Variants in SLFN14 observed in about 807,000 individuals in gnomAD.
The protein encoded by SLFN14 is protein SLFN14.
A neutral mutation model predicts 58.6 loss-of-function variants in SLFN14; 47 were observed. That is an observed-to-expected ratio of 0.80 (90% confidence interval 0.64 to 1.02). The LOEUF (loss-of-function observed/expected upper bound fraction) is 1.02. Ranked by LOEUF, SLFN14 falls within the 50% of genes least tolerant of loss-of-function variation. The pLI is 0.00. For synonymous variants in SLFN14, 390 were observed against 387.3 expected (o/e 1.01, Z -0.08); for missense variants, 967 against 1,078.4 (o/e 0.90, Z 1.45).
At chr17:35,550,611 TG>T (rs1021743523) in intron 5 of SLFN14, among the ~76,000 whole-genome samples, 4 of 152,188 alleles carry the variant, frequency 2.6e-5, no homozygotes, top group African/African-American at 2.4e-5. Flanking sequence ...ATACTCACAT[TG>T]TTTTTTTTAT....
At position 35,553,204 on chromosome 17, in the gene SLFN14, T is replaced by C. The variant is rs374393199; in HGVS notation, c.1430A>G (p.Asn477Ser). The C allele has an allele frequency of 1.7e-5, 26 of 1,551,568 alleles. 1 individual carries two copies. Among genetic ancestry groups the C allele is most frequent in the South Asian group, 3.6e-5 (3 of 84,064 alleles). Reference sequence around the variant, plus strand: ...GGCATATTCAAGTCCTCCAGGCCAATTGGGGTCTATTAAGATTGTATAGAG... The same window carrying C: ...GGCATATTCAAGTCCTCCAGGCCAACTGGGGTCTATTAAGATTGTATAGAG... ...VVLYTILIDP[N>S]WPGGLEYARN... The change falls in exon 5 of 6, where the codon AAT becomes AGT. Residue 477 changes from asparagine to serine, a missense_variant. Physicochemically the swap from Asn to Ser is conservative, Grantham distance 46. Transcript: ENST00000674182.
chr17:35,556,965 T>C, intron 3 of SLFN14, 38 bp downstream of exon 3: 1 of 1,501,742 alleles, frequency 6.7e-7, no homozygotes, highest in Non-Finnish European at 8.9e-7. Context: ...AAGGGGTTCC[T>C]CCCTGCTGAT....
chr17:35,557,942 CA>C lies in SLFN14; in HGVS notation c.120del (p.Glu41ArgfsTer13). 6.4e-7 allele frequency: 1 copy of C among 1,551,662 alleles called. No individual in the cohort carries two copies. ...ATAGCCCGGATAATTCTAGAATTCT[CA>C]GATCTTTTCAAACAGCTGTTGGTCA... ...KKMTNSCLKR[S>X]ENSRIIRAIC... On this transcript the variant is annotated frameshift_variant, in exon 3 of 6. Coordinates refer to ENST00000674182, the MANE Select transcript of SLFN14 (RefSeq NM_001129820.2). LOFTEE classifies it high-confidence loss of function.
At position 35,545,642 on chromosome 17, in the gene SLFN14, GCACCAC is replaced by G. The variant is rs779144699; in HGVS notation, c.*2591_*2596del. Among the ~76,000 whole-genome samples, 17 of 152,038 alleles carry G rather than the reference GCACCAC, an allele frequency of 1.1e-4. No individual in the cohort carries two copies. The highest frequency in any genetic ancestry group is 2.1e-4 in the Non-Finnish European group (14 of 68,032). ...CTGGAGTAGCTAGGATTAAAAGCAT[GCACCAC>G]CATGCCCAACTAAGTTTTTAAAAAA... is the stretch of plus-strand genomic sequence containing the variant. On this transcript the variant is annotated 3_prime_UTR_variant, in exon 6 of 6. Transcript: ENST00000674182.
chr17:35,559,447 G>A (rs2072682105), intron 2 of SLFN14, among the ~76,000 whole-genome samples: 2 of 152,020 alleles, frequency 1.3e-5, no homozygotes. Flanking sequence ...TCTGCCCTGT[G>A]CTGTGGAAAC....
chr17:35,552,715 T>C lies in SLFN14; in HGVS notation c.1904+15A>G, dbSNP rs532504686. 4.1e-5 allele frequency: 62 copies of C among 1,524,676 alleles called. No individual in the cohort carries two copies. In the African/African-American group the frequency reaches 7.0e-4, roughly 17 times the overall value. The allele number at this position is 1,524,676 out of a possible 1,614,324, so 94.4% of individuals were successfully genotyped here. A position where few individuals can be genotyped will look rare whatever the true frequency, so the allele number is the denominator to read the frequency against. On this transcript the variant is annotated intron_variant, in intron 5 of 5. Coordinates refer to ENST00000674182, the MANE Select transcript of SLFN14 (RefSeq NM_001129820.2). Reference sequence around the variant, plus strand: ...ATACATATTTTTGTGTGTGTGTAGTTGGTAAAACTCTTACGTCACAAAATC... The same window carrying C: ...ATACATATTTTTGTGTGTGTGTAGTCGGTAAAACTCTTACGTCACAAAATC...
Position 35,557,668 on chromosome 17 carries a change from C to CGATACAATTG in SLFN14, c.394_395insCAATTGTATC (p.Arg132ProfsTer16). On this transcript the variant is annotated frameshift_variant, in exon 3 of 6. Coordinates refer to ENST00000674182, the MANE Select transcript of SLFN14 (RefSeq NM_001129820.2). LOFTEE classifies it high-confidence loss of function. The stretch of plus-strand genomic sequence containing the variant: ...GTTGATAGCAGAAGTCACATCTCTC[C>CGATACAATTG]GATACAAATTGGAGCGCAAGCTGCA... 1.3e-6 allele frequency: 2 copies of CGATACAATTG among 1,551,650 alleles called. No homozygotes were observed. The highest frequency in any genetic ancestry group is 1.7e-6 in the Non-Finnish European group (2 of 1,146,972).
intron 5 of SLFN14, 129 bp downstream of exon 5, chr17:35,552,599 AAT>A (rs1193156197): frequency 4.0e-4 from 128 of 321,050 alleles, no homozygotes; most frequent in East Asian, 5.5e-4. Context: ...CTGCAAAAAG[AAT>A]ATATATATAT....
chr17:35,554,698 G>T lies in SLFN14; in HGVS notation c.1067C>A (p.Pro356His). The T allele has an allele frequency of 1.4e-6, 2 of 1,445,558 alleles. No individual in the cohort carries two copies. The highest frequency in any genetic ancestry group is 1.5e-5 in the South Asian group (1 of 66,542). 89.5% of individuals were successfully genotyped at this position (1,445,558 alleles called of 1,614,324 possible). A position where few individuals can be genotyped will look rare whatever the true frequency, so the allele number is the denominator to read the frequency against. Reference sequence around the variant, plus strand: ...AGAGTTGTAGTCTGTGACCAAACTGGGAGGAGCTAGACAATTACATGGAAA... The same window carrying T: ...AGAGTTGTAGTCTGTGACCAAACTGTGAGGAGCTAGACAATTACATGGAAA... ...VMMLDTQSAP[P>H]SLVTDYNSCL... Residue 356 changes from proline (P) to histidine (H), a missense_variant, in exon 4 of 6, where the codon CCC becomes CAC. Physicochemically the swap from Pro to His is moderately conservative, Grantham distance 77. Coordinates refer to ENST00000674182, the MANE Select transcript of SLFN14 (RefSeq NM_001129820.2).
In SLFN14 at chr17:35,557,709, G is replaced by A; in HGVS notation, c.354C>T (p.Ser118=). Residue 118 remains serine (S), a synonymous_variant, in exon 3 of 6, where the codon AGC becomes AGT. Transcript: ENST00000674182. ...GCAAGCTGCAAATCCTTAGTGGAAGGCTGAAAACATCTGGGCTCCATGACT... is the reference window on the plus strand; with the variant it reads ...GCAAGCTGCAAATCCTTAGTGGAAGACTGAAAACATCTGGGCTCCATGACT... ...FVKSWSPDVF[S]LPLRICSLRS... 6.4e-7 allele frequency: 1 copy of A among 1,551,674 alleles called. No homozygotes were observed. The highest frequency in any genetic ancestry group is 8.7e-7 in the Non-Finnish European group (1 of 1,146,970).
chr17:35,554,567 A>G lies in SLFN14; in HGVS notation c.1189+9T>C. The G allele has an allele frequency of 4.6e-6, 7 of 1,523,904 alleles. No homozygotes were observed. The highest frequency in any genetic ancestry group is 6.2e-6 in the Non-Finnish European group (7 of 1,135,620). The allele number at this position is 1,523,904 out of a possible 1,614,324, so 94.4% of individuals were successfully genotyped here. A position where few individuals can be genotyped will look rare whatever the true frequency, so the allele number is the denominator to read the frequency against. On this transcript the variant is annotated intron_variant, in intron 4 of 5. Coordinates refer to ENST00000674182, the MANE Select transcript of SLFN14 (RefSeq NM_001129820.2). ...AATAGTCCCCTAAGTTGAAATCAAGAGGGAATACCTGGAAACAAATGTCGT... is the reference window on the plus strand; with the variant it reads ...AATAGTCCCCTAAGTTGAAATCAAGGGGGAATACCTGGAAACAAATGTCGT...
chr17:35,550,994 G>T (rs2072580538), intron 5 of SLFN14, among the ~76,000 whole-genome samples: 1 of 152,212 alleles, frequency 6.6e-6, no homozygotes, highest in African/African-American at 2.4e-5. Flanking sequence ...AAAGCAGAAT[G>T]GGTTCATTTC....
chr17:35,557,628 A>T lies in SLFN14; in HGVS notation c.435T>A (p.Ser145Arg), dbSNP rs1244576381. The change falls in exon 3 of 6, where the codon AGT (serine) becomes AGA (arginine). Residue 145 changes from serine to arginine, a missense_variant. Transcript: ENST00000674182. ...VTSAINLSASSALELLREKGF... is the reference protein window; with the variant it reads ...VTSAINLSASRALELLREKGF... ...CCTTCTCTCTGAGAAGCTCCAGGGC[A>T]CTGCTAGCACTCAAGTTGATAGCAG... 1.3e-6 allele frequency: 2 copies of T among 1,551,676 alleles called. No individual in the cohort carries two copies. The highest frequency in any genetic ancestry group is 2.0e-5 in the Admixed American group (1 of 50,996).
At chr17:35,553,552 GC>G (rs2072618807) in intron 4 of SLFN14, 108 bp from the exon 5 acceptor site, 2 of 880,938 alleles carry the variant, frequency 2.3e-6, no homozygotes, top group East Asian at 5.4e-5. Context: ...GAAAATAAGA[GC>G]TTTCCTTTAG....
At chr17:35,558,735 G>A (rs1042892648) in intron 2 of SLFN14, among the ~76,000 whole-genome samples, 2 of 152,136 alleles carry the variant, frequency 1.3e-5, no homozygotes, top group African/African-American at 2.4e-5. Flanking sequence ...CCAACACTGA[G>A]CCCAGATATA....
At position 35,560,747 on chromosome 17, in the gene SLFN14, ATT is replaced by A. The variant is rs200456765; in HGVS notation, c.-124+18_-124+19del. 7.7e-5 allele frequency among the ~76,000 whole-genome samples: 11 copies of A among 142,350 alleles called. No homozygotes were observed. Among genetic ancestry groups the A allele is most frequent in the Non-Finnish European group, 9.1e-5 (6 of 66,092 alleles). The allele number at this position is 142,350 out of a possible 152,430, so 93.4% of individuals were successfully genotyped here. A position where few individuals can be genotyped will look rare whatever the true frequency, so the allele number is the denominator to read the frequency against. The stretch of plus-strand genomic sequence containing the variant: ...TTAGATAAATGAGATATTTTTAAGA[ATT>A]TTTTTTTTTTTTTTTACCTATGCTC... On this transcript the variant is annotated intron_variant, in intron 1 of 5. Coordinates refer to ENST00000674182, the MANE Select transcript of SLFN14 (RefSeq NM_001129820.2).
At position 35,557,296 on chromosome 17, in the gene SLFN14, C is replaced by T; in HGVS notation, c.767G>A (p.Gly256Glu). ...AGGATTCACTTTTTCCCACTTACATCCAACCACTTCTTTGCTCTTATCATC... is the reference window on the plus strand; with the variant it reads ...AGGATTCACTTTTTCCCACTTACATTCAACCACTTCTTTGCTCTTATCATC... ...GVDDKSKEVV[G>E]CKWEKVNPDL... Residue 256 changes from glycine to glutamate, a missense_variant, in exon 3 of 6, where the codon GGA (glycine) becomes GAA (glutamate). By Grantham distance (98) the Gly-to-Glu change is moderately conservative (BLOSUM62 -2). Transcript: ENST00000674182. The T allele has an allele frequency of 6.4e-7, 1 of 1,551,674 alleles. No individual in the cohort carries two copies. Among genetic ancestry groups the T allele is most frequent in the Non-Finnish European group, 8.7e-7 (1 of 1,146,980 alleles).
In SLFN14 at chr17:35,548,991, C is replaced by T. The variant is rs779637675; in HGVS notation, c.1987G>A (p.Glu663Lys). The T allele has an allele frequency of 1.3e-5, 20 of 1,551,712 alleles. No homozygotes were observed. Among genetic ancestry groups the T allele is most frequent in the Non-Finnish European group, 1.7e-5 (20 of 1,146,986 alleles). The change falls in exon 6 of 6, where the codon GAG (glutamate) becomes AAG (lysine). Residue 663 changes from glutamate to lysine, a missense_variant. Glu to Lys is a moderately conservative substitution (Grantham distance 56, BLOSUM62 1). Transcript: ENST00000674182. ...TATTTGCTGCAGAAATTCTCAGTCT[C>T]ATCCATCACTATGTGTTTAATCTTT... ...FLKIKHIVMD[E>K]TENFCSKYGN...
intron 5 of SLFN14, 67 bp downstream of exon 5, chr17:35,552,663 C>CATATATATACACATAT: frequency 3.5e-6 from 2 of 571,806 alleles, no homozygotes; most frequent in Non-Finnish European, 5.4e-6. Context: ...TATATATACA[C>CATATATATACACATAT]ATATATATAC....
Sources: gnomAD v4.1 joint callset for allele counts (sites outside exome capture counted in the v4.1 genomes callset) on GRCh38, gnomAD v4.1.1 for gene constraint, MANE v1.5 for transcripts, NCBI Gene and HGNC (gene_info 2026-07-23, HGNC 2026-07-21) for gene names.